ARID4A: variants seen among roughly 807,000 people sequenced by gnomAD.
The protein encoded by ARID4A is AT-rich interactive domain-containing protein 4A.
In ARID4A, 39 loss-of-function variants were observed where a neutral mutation model predicts 148.6. The ratio of observed to expected loss-of-function variants is 0.26; its 90% CI spans 0.20 to 0.34. The LOEUF (loss-of-function observed/expected upper bound fraction) is 0.34. Ranked by LOEUF, ARID4A falls within the 10% of genes least tolerant of loss-of-function variation. The pLI, the probability that ARID4A is intolerant of heterozygous loss-of-function variation, is 1.00. For missense variants in ARID4A, 1,265 were observed against 1,449.1 expected (o/e 0.87, Z 2.06); for synonymous variants, 475 against 481.2 (o/e 0.99, Z 0.17).
intron 15 of ARID4A, among the ~76,000 whole-genome samples, chr14:58,348,391 C>T (rs913241221): frequency 2.6e-5 from 4 of 152,194 alleles, no homozygotes; most frequent in Non-Finnish European, 4.4e-5. Context: ...ATAATAAAGG[C>T]TTATTAAATA....
rs574398607 is a variant in ARID4A, at chr14:58,321,318, T to A, written c.450-2167T>A. On this transcript the variant is annotated intron_variant, in intron 7 of 23. Coordinates refer to ENST00000355431, the MANE Select transcript of ARID4A (RefSeq NM_002892.4). ...TTTCTAATTTTTCATTCTTGCTACA[T>A]TTTTTGGTTATCGCTTAGCTATAAT... Among the ~76,000 whole-genome samples, 68 of 152,116 alleles carry A rather than the reference T, an allele frequency of 4.5e-4. No individual in the cohort carries two copies. In the South Asian group the frequency reaches 0.014, roughly 31 times the overall value.
At chr14:58,357,144 A>G (rs1459596903) in intron 17 of ARID4A, among the ~76,000 whole-genome samples, 4 of 152,240 alleles carry the variant, frequency 2.6e-5, no homozygotes, top group Non-Finnish European at 4.4e-5. Flanking sequence ...TGAGATATTT[A>G]AGACTTTATT....
intron 5 of ARID4A, among the ~76,000 whole-genome samples, chr14:58,310,451 C>A (rs1413219619): frequency 6.6e-6 from 1 of 151,918 alleles, no homozygotes. Flanking sequence ...GAATAGATAC[C>A]CCAGAAATAA....
At chr14:58,337,750 C>G (rs1402591771) in intron 11 of ARID4A, among the ~76,000 whole-genome samples, 1 of 152,172 alleles carries the variant, frequency 6.6e-6, no homozygotes, top group Non-Finnish European at 1.5e-5. Flanking sequence ...ATGCTCCTTG[C>G]TTGTATTTTG....
Position 58,328,311 on chromosome 14 carries a change from T to G in ARID4A, c.657T>G (p.Ser219=), listed in dbSNP as rs2033327915. Residue 219 remains serine (S), a synonymous_variant, in exon 9 of 24, where the codon TCT becomes TCG. Transcript: ENST00000355431. ...GTTTAGTTCGATCATTTATTGATTC[T>G]AAATTGTGAGTAATGAATCCTTTAA... ...DQCLVRSFID[S]KFYSIARKDI... 4.4e-6 allele frequency: 7 copies of G among 1,588,852 alleles called. No homozygotes were observed. The highest frequency in any genetic ancestry group is 6.0e-6 in the Non-Finnish European group (7 of 1,157,970).
chr14:58,329,881 G>GT, intron 10 of ARID4A, 122 bp from the exon 11 acceptor site: 1 of 1,435,154 alleles, frequency 7.0e-7, no homozygotes. Context: ...AAAGCTTACT[G>GT]TATCATTTTA....
chr14:58,312,132 T>C (rs2032086096), intron 5 of ARID4A, among the ~76,000 whole-genome samples: 3 of 152,158 alleles, frequency 2.0e-5, no homozygotes, highest in Admixed American at 1.3e-4. Context: ...GTGATCCACA[T>C]GTTAATTAGC....
rs573728529 is a variant in ARID4A at position 58,322,096 on chromosome 14, G to A, written c.450-1389G>A. Among the ~76,000 whole-genome samples the A allele has an allele frequency of 5.3e-5, 8 of 151,642 alleles. No individual in the cohort carries two copies. The East Asian group carries it at 7.8e-4, about 15-fold the overall frequency. ...AGTGATTCTCGTGCCTCAGCCTCTC[G>A]AGTAGCCAGGACTACAGGTGTGTGA... On this transcript the variant is annotated intron_variant, in intron 7 of 23. Coordinates refer to ENST00000355431, the MANE Select transcript of ARID4A (RefSeq NM_002892.4).
In ARID4A at chr14:58,323,537, C is replaced by T. The variant is rs770373766; in HGVS notation, c.502C>T (p.Arg168Cys). 8.1e-6 allele frequency: 13 copies of T among 1,614,078 alleles called. No homozygotes were observed. Among genetic ancestry groups the T allele is most frequent in the African/African-American group, 2.7e-5 (2 of 75,026 alleles). The part of the protein sequence containing the change: ...ESSEEEDEDK[R>C]RLNDELLGKV... Reference sequence around the variant, plus strand: ...CAGTGAAGAGGAAGATGAAGACAAGCGCCGTCTCAATGATGAATTACTAGG... The same window carrying T: ...CAGTGAAGAGGAAGATGAAGACAAGTGCCGTCTCAATGATGAATTACTAGG... Residue 168 changes from arginine (R) to cysteine (C), a missense_variant, in exon 8 of 24, where the codon CGC becomes TGC. Physicochemically the swap from Arg to Cys is radical, Grantham distance 180 (BLOSUM62 -3). This residue lies in a region of ARID4A where 249 missense variants were observed against 277.2 expected (regional missense o/e 0.90). Coordinates refer to ENST00000355431, the MANE Select transcript of ARID4A (RefSeq NM_002892.4).
chr14:58,365,892 A>C, intron 21 of ARID4A, 132 bp from the exon 22 acceptor site: 3 of 845,310 alleles, frequency 3.5e-6, no homozygotes, highest in Non-Finnish European at 5.3e-6. Context: ...TTGTTTTTAT[A>C]TTGTTATAAA....
chr14:58,311,036 A>G (rs1032576795), intron 5 of ARID4A, among the ~76,000 whole-genome samples: 3 of 152,172 alleles, frequency 2.0e-5, no homozygotes, highest in Non-Finnish European at 4.4e-5. Flanking sequence ...ACTTGAGGTC[A>G]GAAGTTCGAG....
chr14:58,318,592 A>G lies in ARID4A; in HGVS notation c.325A>G (p.Lys109Glu), dbSNP rs2032629779. 6.2e-7 allele frequency: 1 copy of G among 1,614,066 alleles called. No homozygotes were observed. The highest frequency in any genetic ancestry group is 8.5e-7 in the Non-Finnish European group (1 of 1,180,026). The change falls in exon 6 of 24, where the codon AAA (lysine) becomes GAA (glutamate). Residue 109 changes from lysine (K) to glutamate (E), a missense_variant. By Grantham distance (56) the Lys-to-Glu change is moderately conservative (BLOSUM62 1). This residue lies in a region of ARID4A where 21 missense variants were observed against 36.5 expected (regional missense o/e 0.58). Coordinates refer to ENST00000355431, the MANE Select transcript of ARID4A (RefSeq NM_002892.4). ...ATTGAGACGTACCTCACTTTGTCTGAAAGGAGAGAGACATTTTGCAGAGAG... is the reference window on the plus strand; with the variant it reads ...ATTGAGACGTACCTCACTTTGTCTGGAAGGAGAGAGACATTTTGCAGAGAG... Reference protein sequence around the residue: ...RTLRRTSLCLKGERHFAESET... With the variant: ...RTLRRTSLCLEGERHFAESET...
In ARID4A at chr14:58,371,870, T is replaced by C. The variant is rs2035630948; in HGVS notation, c.3671-16T>C. ...TAACAGTTTTTGGATCTAACATAGT[T>C]GTTTTGATTCCACAGTGTCTCATGC... On this transcript the variant is annotated splice_polypyrimidine_tract_variant and intron_variant, in intron 23 of 23. Coordinates refer to ENST00000355431, the MANE Select transcript of ARID4A (RefSeq NM_002892.4). 6 of 1,594,190 alleles carry C rather than the reference T, an allele frequency of 3.8e-6. No individual in the cohort carries two copies. The highest frequency in any genetic ancestry group is 4.5e-5 in the East Asian group (2 of 44,782).
intron 19 of ARID4A, among the ~76,000 whole-genome samples, chr14:58,361,736 T>TACCCGTACACTA (rs2035141873): frequency 6.6e-6 from 1 of 152,200 alleles, no homozygotes; most frequent in African/African-American, 2.4e-5. Flanking sequence ...AGCTTGGGGT[T>TACCCGTACACTA]GCTGAAGAAA....
At chr14:58,346,031 C>T (rs1045328797) in intron 12 of ARID4A, among the ~76,000 whole-genome samples, 1 of 151,676 alleles carries the variant, frequency 6.6e-6, no homozygotes, top group Non-Finnish European at 1.5e-5. Context: ...CCACTGCACC[C>T]AGCCCTATGC....
Position 58,340,781 on chromosome 14 carries a change from G to A in ARID4A, c.907-3914G>A, listed in dbSNP as rs140514489. ...ATTACAGGCGTGAGCCACCGTGCCCGGCCCCACCTGTGTCTTAAGAACATC... is the reference window on the plus strand; with the variant it reads ...ATTACAGGCGTGAGCCACCGTGCCCAGCCCCACCTGTGTCTTAAGAACATC... On this transcript the variant is annotated intron_variant, in intron 11 of 23. Coordinates refer to ENST00000355431, the MANE Select transcript of ARID4A (RefSeq NM_002892.4). Among the ~76,000 whole-genome samples, 463 of 152,108 alleles carry A rather than the reference G, an allele frequency of 3.0e-3. 2 individuals are homozygous for A. Among genetic ancestry groups the A allele is most frequent in the Non-Finnish European group, 4.5e-3 (304 of 67,990 alleles).
At chr14:58,357,856 C>T (rs1251173673) in intron 17 of ARID4A, among the ~76,000 whole-genome samples, 5 of 152,064 alleles carry the variant, frequency 3.3e-5, no homozygotes, top group Admixed American at 3.3e-4. Flanking sequence ...ACCTTAATTT[C>T]TTATTTGCCC....
At chr14:58,338,679 G>T (rs559917790) in intron 11 of ARID4A, among the ~76,000 whole-genome samples, 81 of 151,944 alleles carry the variant, frequency 5.3e-4, no homozygotes, top group South Asian at 1.0e-3. Flanking sequence ...CCAGAAGAGG[G>T]ACTATAGACA....
chr14:58,300,966 T>C lies in ARID4A; in HGVS notation c.7-614T>C, dbSNP rs2031111626. On this transcript the variant is annotated intron_variant, in intron 2 of 23. Coordinates refer to ENST00000355431, the MANE Select transcript of ARID4A (RefSeq NM_002892.4). Reference sequence around the variant, plus strand: ...AGATGTTTCTTAGTAACGCTTATTTTTTTATACTAAGAAGATTAGTGTGGT... The same window carrying C: ...AGATGTTTCTTAGTAACGCTTATTTCTTTATACTAAGAAGATTAGTGTGGT... Among the ~76,000 whole-genome samples, 4 of 152,210 alleles carry C rather than the reference T, an allele frequency of 2.6e-5. No homozygotes were observed. The South Asian group carries it at 8.3e-4, about 31-fold the overall frequency.
Sources: allele counts gnomAD v4.1 joint callset (sites outside exome capture counted in the v4.1 genomes callset), GRCh38; gene constraint gnomAD v4.1.1; regional missense constraint gnomAD v4.1.1; transcripts MANE v1.5; gene names NCBI Gene and HGNC (gene_info 2026-07-23, HGNC 2026-07-21).